MDGA1: variants seen among roughly 807,000 people sequenced by gnomAD.
MDGA1 encodes the protein MAM domain-containing glycosylphosphatidylinositol anchor protein 1.
A neutral mutation model predicts 101.5 loss-of-function variants in MDGA1; 54 were observed. The observed-to-expected ratio is 0.53, with a 90% CI of 0.43 to 0.67. MDGA1 has a LOEUF of 0.67. Among genes scored for constraint, MDGA1 ranks in the 30% least tolerant of loss-of-function variants. The pLI is 0.00. For missense variants in MDGA1, 1,083 were observed against 1,323.8 expected (o/e 0.82, Z 2.82); for synonymous variants, 533 against 558.3 (o/e 0.95, Z 0.64).
chr6:37,684,544 C>G (rs1406546319), intron 1 of MDGA1, among the ~76,000 whole-genome samples: 1 of 152,232 alleles, frequency 6.6e-6, no homozygotes, highest in Non-Finnish European at 1.5e-5. Context: ...AGAAAGAAAG[C>G]TGTAGAAAGT....
intron 1 of MDGA1, among the ~76,000 whole-genome samples, chr6:37,677,869 G>A (rs1762014994): frequency 6.6e-6 from 1 of 152,152 alleles, no homozygotes; most frequent in African/African-American, 2.4e-5. Context: ...GGGTCACTGT[G>A]GGTCCCTGGG....
Position 37,638,444 on chromosome 6 carries a change from GC to G in MDGA1, c.2667+92del. 1 of 1,573,188 alleles carries G rather than the reference GC, an allele frequency of 6.4e-7. No individual in the cohort carries two copies. On this transcript the variant is annotated intron_variant, in intron 15 of 16. Coordinates refer to ENST00000434837, the MANE Select transcript of MDGA1 (RefSeq NM_153487.4). This position sits in a 1 kb window ranked among gnomAD's most constrained non-coding sequence, Gnocchi z 4.8. ...CCTAACCTGACTCTTTCCATCCTTAGCCCCCAGGAAGAAGGACAAGGTTTTC... is the reference window on the plus strand; with the variant it reads ...CCTAACCTGACTCTTTCCATCCTTAGCCCCAGGAAGAAGGACAAGGTTTTC...
At position 37,696,286 on chromosome 6, in the gene MDGA1, G is replaced by C. The variant is rs2114122228; in HGVS notation, c.67+459C>G. ...GAAGCGAAGCCGCAGCAACAGCGGG[G>C]AAGGCGAGCCCGCCGCCCGGCCTTG... On this transcript the variant is annotated intron_variant, in intron 1 of 16. Coordinates refer to ENST00000434837, the MANE Select transcript of MDGA1 (RefSeq NM_153487.4). This position sits in a 1 kb window ranked among gnomAD's most constrained non-coding sequence, Gnocchi z 5.6. 6.6e-6 allele frequency among the ~76,000 whole-genome samples: 1 copy of C among 152,310 alleles called. No individual in the cohort carries two copies. Among genetic ancestry groups the C allele is most frequent in the South Asian group, 2.1e-4 (1 of 4,826 alleles).
rs1763819491 is a variant in MDGA1 at position 37,631,256 on chromosome 6, C to G, written c.*6112G>C. 1 of 152,232 alleles carries G rather than the reference C, an allele frequency of 6.6e-6. No homozygotes were observed. The allele number at this position is 152,232 out of a possible 1,614,324, so 9.4% of individuals were successfully genotyped here. ...TTTGGATTTCTGAGTGCCCATCCCC[C>G]TCACTGTGTTTGTCCTCACAATAAT... On this transcript the variant is annotated 3_prime_UTR_variant, in exon 17 of 17. Coordinates refer to ENST00000434837, the MANE Select transcript of MDGA1 (RefSeq NM_153487.4).
rs1482292409 is a variant in MDGA1 at position 37,638,079 on chromosome 6, G to A, written c.2776+126C>T. The A allele has an allele frequency of 1.3e-6, 1 of 752,802 alleles. No individual in the cohort carries two copies. The highest frequency in any genetic ancestry group is 1.7e-5 in the African/African-American group (1 of 57,938). The allele number at this position is 752,802 out of a possible 1,614,324, so 46.6% of individuals were successfully genotyped here. ...CACCTTCACACAGTCAGAGCCACAT[G>A]ATTCCCATCACTCAGACATTCTGAA... On this transcript the variant is annotated intron_variant, in intron 16 of 16. Transcript: ENST00000434837. The surrounding 1 kb of genome is among the most constrained non-coding windows in gnomAD (Gnocchi z 4.8).
rs1763868772 is a variant in MDGA1 at position 37,633,656 on chromosome 6, G to T, written c.*3712C>A. 1 of 152,374 alleles carries T rather than the reference G, an allele frequency of 6.6e-6. No individual in the cohort carries two copies. The highest frequency in any genetic ancestry group is 2.4e-5 in the African/African-American group (1 of 41,462). 9.4% of individuals were successfully genotyped at this position (152,374 alleles called of 1,614,324 possible). ...CCCAGGCCTGTCATGGGGCAGAAGG[G>T]TCTGCAGCCTGGGATGAGAGGCCAG... is the stretch of plus-strand genomic sequence containing the variant. On this transcript the variant is annotated 3_prime_UTR_variant, in exon 17 of 17. Transcript: ENST00000434837.
chr6:37,651,125 G>A (rs917087161), intron 7 of MDGA1, among the ~76,000 whole-genome samples: 2 of 152,228 alleles, frequency 1.3e-5, no homozygotes, highest in African/African-American at 4.8e-5. Context: ...GTGGAGCAGA[G>A]CCCCTATACT....
Position 37,646,339 on chromosome 6 carries a change from C to T in MDGA1, c.2083G>A (p.Val695Ile). ...AGCTGCCCCTTCTCCACACGCCGGA[C>T]CGGGATGGCCTTGACCACCGCATTG... ...QHNAVVKAIP[V>I]RRVEKGQLLE... is the part of the protein sequence containing the mutation. Residue 695 changes from valine (V) to isoleucine (I), a missense_variant, in exon 11 of 17, where the codon GTC becomes ATC. Physicochemically the swap from Val to Ile is conservative, Grantham distance 29. Transcript: ENST00000434837. 1 of 1,574,766 alleles carries T rather than the reference C, an allele frequency of 6.4e-7. No homozygotes were observed. Among genetic ancestry groups the T allele is most frequent in the South Asian group, 1.2e-5 (1 of 84,462 alleles).
In MDGA1 at chr6:37,644,481, C is replaced by T. The variant is rs1459040533; in HGVS notation, c.2401+16G>A. 1 of 1,527,156 alleles carries T rather than the reference C, an allele frequency of 6.5e-7. No individual in the cohort carries two copies. The highest frequency in any genetic ancestry group is 1.3e-5 in the South Asian group (1 of 77,030). 94.6% of individuals were successfully genotyped at this position (1,527,156 alleles called of 1,614,324 possible). A position where few individuals can be genotyped will look rare whatever the true frequency, so the allele number is the denominator to read the frequency against. ...TGAAGCAATCCTCCATTTCTGGCAG[C>T]AGGCCAGGTCCTCACCCTCAGGGGT... On this transcript the variant is annotated intron_variant, in intron 13 of 16. Transcript: ENST00000434837.
chr6:37,650,098 G>A lies in MDGA1; in HGVS notation c.1609+11C>T. 9.3e-6 allele frequency: 15 copies of A among 1,611,034 alleles called. No homozygotes were observed. Among genetic ancestry groups the A allele is most frequent in the South Asian group, 6.6e-5 (6 of 90,934 alleles). ...GCTGGGAAGGTAGTCCGGGTGGCGT[G>A]GTGGACTCACACTGCACGTTCAGCT... On this transcript the variant is annotated intron_variant, in intron 8 of 16. Transcript: ENST00000434837.
chr6:37,644,725 C>A, intron 12 of MDGA1, 76 bp from the exon 13 acceptor site: 2 of 1,369,240 alleles, frequency 1.5e-6, no homozygotes, highest in East Asian at 2.9e-5. Flanking sequence ...CCTCTCACCC[C>A]CCAGAGGCAG....
Position 37,655,613 on chromosome 6 carries a change from G to T in MDGA1, c.579+87C>A. The T allele has an allele frequency of 1.0e-6, 1 of 978,970 alleles. No individual in the cohort carries two copies. Among genetic ancestry groups the T allele is most frequent in the Non-Finnish European group, 1.5e-6 (1 of 663,354 alleles). The allele number at this position is 978,970 out of a possible 1,614,324, so 60.6% of individuals were successfully genotyped here. On this transcript the variant is annotated intron_variant, in intron 4 of 16. Coordinates refer to ENST00000434837, the MANE Select transcript of MDGA1 (RefSeq NM_153487.4). The surrounding 1 kb of genome is among the most constrained non-coding windows in gnomAD (Gnocchi z 5.1). ...GTAAGAATAGAATTGTTGAAGTCAA[G>T]GCAGTCCCAAAAACTCAGCCCCATG...
At chr6:37,691,528 G>C (rs555004439) in intron 1 of MDGA1, among the ~76,000 whole-genome samples, 1 of 152,192 alleles carries the variant, frequency 6.6e-6, no homozygotes, top group South Asian at 2.1e-4. Flanking sequence ...CCAAACGAAT[G>C]GTGGGTTATC....
chr6:37,679,498 GGGA>G (rs1172161237), intron 1 of MDGA1, among the ~76,000 whole-genome samples: 2 of 152,158 alleles, frequency 1.3e-5, no homozygotes, highest in African/African-American at 4.8e-5. Flanking sequence ...AAAGGAAAAT[GGGA>G]GGAGGACTGG....
In MDGA1 at chr6:37,635,208, G is replaced by A. The variant is rs1435009335; in HGVS notation, c.*2160C>T. 2 of 366,178 alleles carry A rather than the reference G, an allele frequency of 5.5e-6. No homozygotes were observed. Among genetic ancestry groups the A allele is most frequent in the Non-Finnish European group, 9.7e-6 (2 of 205,906 alleles). 22.7% of individuals were successfully genotyped at this position (366,178 alleles called of 1,614,324 possible). A position where few individuals can be genotyped will look rare whatever the true frequency, so the allele number is the denominator to read the frequency against. On this transcript the variant is annotated 3_prime_UTR_variant, in exon 17 of 17. Transcript: ENST00000434837. ...GCAATACTTTTTAAAGGACTCTGGT[G>A]GTTCTATTCTGCAGGCAAGGCCAGG...
At chr6:37,640,806 G>C (rs922043588) in intron 14 of MDGA1, among the ~76,000 whole-genome samples, 3 of 152,142 alleles carry the variant, frequency 2.0e-5, no homozygotes, top group African/African-American at 7.2e-5. Flanking sequence ...GGGAATTGAG[G>C]CTAGATCCCA....
At chr6:37,680,750 CT>C (rs1762075303) in intron 1 of MDGA1, among the ~76,000 whole-genome samples, 1 of 152,278 alleles carries the variant, frequency 6.6e-6, no homozygotes, top group Non-Finnish European at 1.5e-5. Flanking sequence ...AGCAGCCCCC[CT>C]GCCACTTGGC....
At chr6:37,674,389 T>G (rs768531201) in intron 1 of MDGA1, among the ~76,000 whole-genome samples, 1 of 152,188 alleles carries the variant, frequency 6.6e-6, no homozygotes, top group Non-Finnish European at 1.5e-5. Flanking sequence ...CTGCTACAGT[T>G]TGCAGGGCCT....
chr6:37,683,235 C>T (rs887166395), intron 1 of MDGA1, among the ~76,000 whole-genome samples: 2 of 152,156 alleles, frequency 1.3e-5, no homozygotes, highest in East Asian at 1.9e-4. Context: ...TTGGAGAAAT[C>T]GACACACTTG....
Sources: gnomAD v4.1 joint callset for allele counts (sites outside exome capture counted in the v4.1 genomes callset) on GRCh38, gnomAD v4.1.1 for gene constraint, Gnocchi (gnomAD v3.1) non-coding constraint, MANE v1.5 for transcripts, NCBI Gene and HGNC (gene_info 2026-07-23, HGNC 2026-07-21) for gene names.